RIC3: variants seen among roughly 807,000 people sequenced by gnomAD.
RIC3 encodes the protein protein RIC-3.
Under a neutral mutation model 27.3 loss-of-function variants are expected in RIC3, and 28 were observed. That is an observed-to-expected ratio of 1.02 (90% CI 0.76 to 1.41). The LOEUF (loss-of-function observed/expected upper bound fraction) is 1.41, where lower values mean the gene tolerates loss of function less well. RIC3 is among the 40% of genes most tolerant of loss of function. The pLI, the probability that RIC3 is intolerant of heterozygous loss-of-function variation, is 0.00. For missense variants in RIC3, 501 were observed against 444.7 expected (o/e 1.13, Z -1.14); for synonymous variants, 184 against 160.4 (o/e 1.15, Z -1.11).
chr11:8,166,202 G>A (rs1951681652), intron 1 of RIC3, among the ~76,000 whole-genome samples: 1 of 152,172 alleles, frequency 6.6e-6, no homozygotes, highest in Non-Finnish European at 1.5e-5. Context: ...CTGCTAACAT[G>A]TCTGTTTTGC....
At chr11:8,133,681 G>GA (rs1439349534) in intron 4 of RIC3, among the ~76,000 whole-genome samples, 2 of 152,304 alleles carry the variant, frequency 1.3e-5, no homozygotes, top group Non-Finnish European at 2.9e-5. Context: ...AAATGAGACA[G>GA]TACAACTCCA....
At chr11:8,146,592 C>T (rs889621217) in intron 1 of RIC3, among the ~76,000 whole-genome samples, 1 of 152,174 alleles carries the variant, frequency 6.6e-6, no homozygotes, top group African/African-American at 2.4e-5. Context: ...GCACATGACA[C>T]AGCCCTCAGG....
At chr11:8,103,347 C>T (rs1394672051), downstream of RIC3, 5 of 152,262 alleles carry the variant, frequency 3.3e-5, no homozygotes, top group South Asian at 4.2e-4. Flanking sequence ...AAGCAGGGGT[C>T]GTACCTTGCT....
At position 8,165,492 on chromosome 11, in the gene RIC3, G is replaced by C. The variant is rs1302816151; in HGVS notation, c.124+3374C>G. Among the ~76,000 whole-genome samples the C allele has an allele frequency of 3.3e-5, 5 of 152,282 alleles. No individual in the cohort carries two copies. The East Asian group carries it at 7.7e-4, about 23-fold the overall frequency. On this transcript the variant is annotated intron_variant, in intron 1 of 5. Transcript: ENST00000309737. ...TGTCCAGAACAGGCAAATCTATAGA[G>C]ACATAAAGTAGATGAGTGGTTGCCT...
intron 4 of RIC3, among the ~76,000 whole-genome samples, chr11:8,128,861 TCTC>T (rs1320158109): frequency 6.6e-6 from 1 of 150,934 alleles, no homozygotes. Flanking sequence ...TTCACGCCAT[TCTC>T]CTGCCTCAGC....
chr11:8,161,425 C>T (rs1951150689), intron 1 of RIC3, among the ~76,000 whole-genome samples: 1 of 152,154 alleles, frequency 6.6e-6, no homozygotes, highest in Non-Finnish European at 1.5e-5. Flanking sequence ...GAGAATAATC[C>T]AGATGTCTCC....
chr11:8,152,048 G>T (rs1950289349), intron 1 of RIC3, among the ~76,000 whole-genome samples: 1 of 152,122 alleles, frequency 6.6e-6, no homozygotes. Context: ...AACTCACGAG[G>T]AGATACCACT....
At chr11:8,164,781 CAAAAAAAAAAA>C (rs199958835) in intron 1 of RIC3, among the ~76,000 whole-genome samples, 93 of 84,238 alleles carry the variant, frequency 1.1e-3, no homozygotes, top group East Asian at 2.6e-3. Flanking sequence ...CTGTCTCTCT[CAAAAAAAAAAA>C]AAAAAAAAAA....
At chr11:8,113,375 T>A (rs1366807833) in intron 5 of RIC3, among the ~76,000 whole-genome samples, 1 of 152,098 alleles carries the variant, frequency 6.6e-6, no homozygotes, top group African/African-American at 2.4e-5. Context: ...GCATCCCTAG[T>A]CATAATGCCT....
the RIC3 span, among the ~76,000 whole-genome samples, chr11:8,094,982 G>A: frequency 6.6e-6 from 1 of 152,254 alleles, no homozygotes; most frequent in Non-Finnish European, 1.5e-5. Flanking sequence ...GACGTAGGAT[G>A]GGAGATGCTC....
chr11:8,143,618 G>C (rs1158766834), intron 1 of RIC3, among the ~76,000 whole-genome samples: 1 of 152,092 alleles, frequency 6.6e-6, no homozygotes, highest in Non-Finnish European at 1.5e-5. Context: ...GTAATTTACA[G>C]ATTCAATGCC....
chr11:8,098,991 A>G, the RIC3 span: 1 of 795,788 alleles, frequency 1.3e-6, no homozygotes, highest in Non-Finnish European at 2.2e-6. Flanking sequence ...CTGTGTGGAG[A>G]GGGGCTGTCC....
At chr11:8,125,610 T>C (rs1946906789) in intron 5 of RIC3, among the ~76,000 whole-genome samples, 1 of 152,168 alleles carries the variant, frequency 6.6e-6, no homozygotes, top group Non-Finnish European at 1.5e-5. Flanking sequence ...CTAGAATGGA[T>C]AAAATTAAAA....
At chr11:8,162,845 C>T (rs902436434) in intron 1 of RIC3, among the ~76,000 whole-genome samples, 1 of 151,680 alleles carries the variant, frequency 6.6e-6, no homozygotes, top group Non-Finnish European at 1.5e-5. Flanking sequence ...GGGGTTTCTC[C>T]GTGTTGGCCA....
chr11:8,151,904 G>A (rs1950274183), intron 1 of RIC3, among the ~76,000 whole-genome samples: 1 of 148,218 alleles, frequency 6.7e-6, no homozygotes, highest in African/African-American at 2.5e-5. Context: ...GGACAGAAGT[G>A]AGACTCGGTC....
intron 4 of RIC3, among the ~76,000 whole-genome samples, chr11:8,131,562 T>C (rs1947711759): frequency 6.6e-6 from 1 of 152,092 alleles, no homozygotes; most frequent in Non-Finnish European, 1.5e-5. Context: ...AAAGGAATGG[T>C]CATGATTTCC....
the RIC3 span, chr11:8,097,667 C>T: frequency 6.5e-7 from 1 of 1,530,574 alleles, no homozygotes; most frequent in Non-Finnish European, 9.0e-7. Flanking sequence ...TGACTGTGTG[C>T]AGACCAGAGG....
chr11:8,132,976 T>C (rs1232607692), intron 4 of RIC3, among the ~76,000 whole-genome samples: 3 of 152,192 alleles, frequency 2.0e-5, no homozygotes, highest in Non-Finnish European at 4.4e-5. Flanking sequence ...GGTTTGAATA[T>C]TTGTCTCCTC....
the RIC3 span, among the ~76,000 whole-genome samples, chr11:8,095,843 C>T: frequency 6.6e-6 from 1 of 152,250 alleles, no homozygotes; most frequent in African/African-American, 2.4e-5. Context: ...TGCTAAGGCC[C>T]CAGGGAGGCC....
Sources: gnomAD v4.1 joint callset for allele counts (sites outside exome capture counted in the v4.1 genomes callset) on GRCh38, gnomAD v4.1.1 for gene constraint, MANE v1.5 for transcripts, NCBI Gene and HGNC (gene_info 2026-07-23, HGNC 2026-07-21) for gene names.